The following HTR5A variants were observed in gnomAD, a reference collection of about 807,000 sequenced individuals.
The protein encoded by HTR5A is 5-hydroxytryptamine receptor 5A, also known as 5-HT-5.
A neutral mutation model predicts 24.3 loss-of-function variants in HTR5A; 21 were observed. That is an observed-to-expected ratio of 0.86 (90% confidence interval 0.61 to 1.24). HTR5A has a LOEUF of 1.24. Among genes scored for constraint, HTR5A ranks in the 50% most tolerant of loss-of-function variants. HTR5A has a pLI of 0.00. For synonymous variants in HTR5A, 260 were observed against 213.7 expected, an observed-to-expected ratio of 1.22 and a Z score of -1.89; for missense variants, 497 against 489.5, an observed-to-expected ratio of 1.02 and a Z score of -0.15.
At chr7:155,073,323 G>GAAAAAAAAAAAA (rs66715434) in intron 1 of HTR5A, among the ~76,000 whole-genome samples, 11 of 109,058 alleles carry the variant, frequency 1.0e-4, no homozygotes, top group Admixed American at 1.2e-4. Flanking sequence ...TCTGTCTCAA[G>GAAAAAAAAAAAA]AAAAAAAAAA....
rs113434752 is a variant in HTR5A, at chr7:155,076,582, G to A, written c.741+4942G>A. Among the ~76,000 whole-genome samples, 873 of 152,238 alleles carry A rather than the reference G, an allele frequency of 5.7e-3. 7 individuals carry two copies. Among genetic ancestry groups the A allele is most frequent in the African/African-American group, 0.02 (833 of 41,542 alleles). On this transcript the variant is annotated intron_variant, in intron 1 of 1. Transcript: ENST00000287907. Reference sequence around the variant, plus strand: ...AATATTTCATTGGAATTTGGTACTAGAGGATCCAAGTTCTGTCTGGAGCCA... The same window carrying A: ...AATATTTCATTGGAATTTGGTACTAAAGGATCCAAGTTCTGTCTGGAGCCA...
Position 155,070,910 on chromosome 7 carries a change from C to T in HTR5A, c.11C>T (p.Pro4Leu), listed in dbSNP as rs749047238. The T allele has an allele frequency of 1.9e-6, 3 of 1,601,324 alleles. No homozygotes were observed. The highest frequency in any genetic ancestry group is 2.5e-6 in the Non-Finnish European group (3 of 1,178,726). The stretch of plus-strand genomic sequence containing the variant: ...TCTCCTGACCCAGAGATGGATTTAC[C>T]TGTGAACCTAACCTCCTTTTCCCTC... MDLPVNLTSFSLST... is the reference protein window; with the variant it reads MDLLVNLTSFSLST... The change falls in exon 1 of 2, where the codon CCT (proline) becomes CTT (leucine). Residue 4 changes from proline to leucine, a missense_variant. Physicochemically the swap from Pro to Leu is moderately conservative, Grantham distance 98. Coordinates refer to ENST00000287907, the MANE Select transcript of HTR5A (RefSeq NM_024012.4).
At chr7:155,077,471 T>TG (rs1160842477) in intron 1 of HTR5A, among the ~76,000 whole-genome samples, 21 of 149,846 alleles carry the variant, frequency 1.4e-4, no homozygotes, top group African/African-American at 4.4e-4. Context: ...TTTTTGTTTT[T>TG]TTTTTTTTTT....
At chr7:155,073,875 A>ATG (rs1491405040) in intron 1 of HTR5A, among the ~76,000 whole-genome samples, 2,854 of 12,806 alleles carry the variant, frequency 0.22, 154 homozygotes, top group Middle Eastern at 0.33. Flanking sequence ...GTATATATAT[A>ATG]TGTATATATA....
intron 1 of HTR5A, among the ~76,000 whole-genome samples, chr7:155,080,564 G>A (rs1016305058): frequency 2.0e-5 from 3 of 152,192 alleles, no homozygotes; most frequent in African/African-American, 7.2e-5. Flanking sequence ...GTCCAGGGGC[G>A]ATGCCACTAC....
At position 155,071,043 on chromosome 7, in the gene HTR5A, C is replaced by A. The variant is rs138675565; in HGVS notation, c.144C>A (p.Gly48=). The part of the protein sequence containing the change: ...VFGVLILTLL[G]FLVAATFAWN... Reference sequence around the variant, plus strand: ...GAGTGCTTATTCTCACCTTGCTGGGCTTTCTGGTGGCGGCGACGTTCGCCT... The same window carrying A: ...GAGTGCTTATTCTCACCTTGCTGGGATTTCTGGTGGCGGCGACGTTCGCCT... The change falls in exon 1 of 2, where the codon GGC becomes GGA. Residue 48 remains glycine, a synonymous_variant. Transcript: ENST00000287907. 17 of 1,610,844 alleles carry A rather than the reference C, an allele frequency of 1.1e-5. No homozygotes were observed. The highest frequency in any genetic ancestry group is 1.4e-5 in the Non-Finnish European group (16 of 1,180,036).
Position 155,085,145 on chromosome 7 carries a change from T to G in HTR5A, c.*658T>G, listed in dbSNP as rs576304660. 1 of 152,364 alleles carries G rather than the reference T, an allele frequency of 6.6e-6. No homozygotes were observed. The highest frequency in any genetic ancestry group is 1.9e-4 in the East Asian group (1 of 5,186). The allele number at this position is 152,364 out of a possible 1,614,324, so 9.4% of individuals were successfully genotyped here. On this transcript the variant is annotated 3_prime_UTR_variant, in exon 2 of 2. Coordinates refer to ENST00000287907, the MANE Select transcript of HTR5A (RefSeq NM_024012.4). ...CACACAACTATGAAAGAGGCAGGTG[T>G]TCTAGCTAGCTAGTTTACTCCAAAA...
Position 155,084,706 on chromosome 7 carries a change from A to G in HTR5A, c.*219A>G. ...ACATGATGTATCTAACTTATCTACT[A>G]TCCCTTTCTCTGTGCTGACAGTCAT... On this transcript the variant is annotated 3_prime_UTR_variant, in exon 2 of 2. Coordinates refer to ENST00000287907, the MANE Select transcript of HTR5A (RefSeq NM_024012.4). 1 of 533,510 alleles carries G rather than the reference A, an allele frequency of 1.9e-6. No homozygotes were observed. Among genetic ancestry groups the G allele is most frequent in the Non-Finnish European group, 3.3e-6 (1 of 303,692 alleles). The allele number at this position is 533,510 out of a possible 1,614,324, so 33.0% of individuals were successfully genotyped here. A position where few individuals can be genotyped will look rare whatever the true frequency, so the allele number is the denominator to read the frequency against.
In HTR5A at chr7:155,085,946, C is replaced by T. The variant is rs536334793; in HGVS notation, c.*1459C>T. Among the ~76,000 whole-genome samples, 2 of 152,198 alleles carry T rather than the reference C, an allele frequency of 1.3e-5. No homozygotes were observed. The highest frequency in any genetic ancestry group is 2.9e-5 in the Non-Finnish European group (2 of 67,998). Reference sequence around the variant, plus strand: ...CACCTGTGAAGTCACAATTAATATGCTAAATGCAGATCTTTATGCATTCAA... The same window carrying T: ...CACCTGTGAAGTCACAATTAATATGTTAAATGCAGATCTTTATGCATTCAA... On this transcript the variant is annotated 3_prime_UTR_variant, in exon 2 of 2. Transcript: ENST00000287907.
intron 1 of HTR5A, among the ~76,000 whole-genome samples, chr7:155,079,661 A>T (rs1174245200): frequency 3.3e-5 from 5 of 152,230 alleles, no homozygotes. Context: ...AAGACTTAGG[A>T]TCATAATGCA....
chr7:155,072,689 G>A (rs182582988), intron 1 of HTR5A, among the ~76,000 whole-genome samples: 1 of 152,304 alleles, frequency 6.6e-6, no homozygotes, highest in Admixed American at 6.5e-5. Flanking sequence ...GGAAGCATAT[G>A]GAGTGCATAC....
intron 1 of HTR5A, among the ~76,000 whole-genome samples, chr7:155,073,877 GTATATATATATGTATATATATA>G (rs1226960375): frequency 2.5e-4 from 2 of 8,008 alleles, no homozygotes; most frequent in African/African-American, 3.1e-4. Flanking sequence ...ATATATATAT[GTATATATATATGTATATATATA>G]TATATATATA....
chr7:155,071,298 G>T lies in HTR5A; in HGVS notation c.399G>T (p.Thr133=), dbSNP rs774038878. The change falls in exon 1 of 2, where the codon ACG becomes ACT. Residue 133 remains threonine (T), a synonymous_variant. Transcript: ENST00000287907. ...GCACGGCCAGCATCTGGAACGTGAC[G>T]GCCATAGCCCTGGACCGCTACTGGT... is the stretch of plus-strand genomic sequence containing the variant. ...LCCTASIWNV[T]AIALDRYWSI... The T allele has an allele frequency of 6.2e-7, 1 of 1,610,136 alleles. No homozygotes were observed. The highest frequency in any genetic ancestry group is 2.2e-5 in the East Asian group (1 of 44,876).
rs745395980 is a variant in HTR5A at position 155,084,492 on chromosome 7, G to GAGGACC, written c.*10_*15dup. 1 of 1,600,146 alleles carries GAGGACC rather than the reference G, an allele frequency of 6.2e-7. No homozygotes were observed. Among genetic ancestry groups the GAGGACC allele is most frequent in the Non-Finnish European group, 8.5e-7 (1 of 1,172,050 alleles). ...TTCTTTTCTAGGCAACACTGAGGGA[G>GAGGACC]AGGACCAGGATTGAAAAAAGTTTCT... On this transcript the variant is annotated 3_prime_UTR_variant, in exon 2 of 2. Coordinates refer to ENST00000287907, the MANE Select transcript of HTR5A (RefSeq NM_024012.4).
At chr7:155,074,844 A>G (rs1019305455) in intron 1 of HTR5A, 2 of 152,220 alleles carry the variant, frequency 1.3e-5, no homozygotes, top group African/African-American at 2.4e-5. Flanking sequence ...CTATACATGT[A>G]GACAAACAAC....
At chr7:155,081,023 C>A (rs1795411042) in intron 1 of HTR5A, among the ~76,000 whole-genome samples, 1 of 152,174 alleles carries the variant, frequency 6.6e-6, no homozygotes. Flanking sequence ...GAGGTTTAAA[C>A]AAGAAAAACG....
At position 155,086,427 on chromosome 7, in the gene HTR5A, G is replaced by A. The variant is rs1229486901; in HGVS notation, c.*1940G>A. 6.6e-6 allele frequency among the ~76,000 whole-genome samples: 1 copy of A among 152,184 alleles called. No homozygotes were observed. The highest frequency in any genetic ancestry group is 1.5e-5 in the Non-Finnish European group (1 of 68,030). On this transcript the variant is annotated 3_prime_UTR_variant, in exon 2 of 2. Coordinates refer to ENST00000287907, the MANE Select transcript of HTR5A (RefSeq NM_024012.4). ...TGAGGAAGATGTGCCACATTTTTCTGGTGGCTTCAAACACTCCCCAACTCT... is the reference window on the plus strand; with the variant it reads ...TGAGGAAGATGTGCCACATTTTTCTAGTGGCTTCAAACACTCCCCAACTCT...
In HTR5A at chr7:155,085,802, A is replaced by G. The variant is rs1415291641; in HGVS notation, c.*1315A>G. The G allele has an allele frequency of 6.6e-6, 1 of 152,234 alleles. No individual in the cohort carries two copies. The highest frequency in any genetic ancestry group is 1.5e-5 in the Non-Finnish European group (1 of 68,044). The allele number at this position is 152,234 out of a possible 1,614,324, so 9.4% of individuals were successfully genotyped here. A position where few individuals can be genotyped will look rare whatever the true frequency, so the allele number is the denominator to read the frequency against. On this transcript the variant is annotated 3_prime_UTR_variant, in exon 2 of 2. Transcript: ENST00000287907. ...TATATAATAAATTATATCAATTAAG[A>G]GTTCAAACATAGGAAATTTGTGATA...
intron 1 of HTR5A, among the ~76,000 whole-genome samples, chr7:155,083,829 C>T (rs1795445074): frequency 6.6e-6 from 1 of 152,160 alleles, no homozygotes. Flanking sequence ...AAGTGTGCAC[C>T]TCTGCCACTA....
Sources: allele counts gnomAD v4.1 joint callset (sites outside exome capture counted in the v4.1 genomes callset), GRCh38; gene constraint gnomAD v4.1.1; transcripts MANE v1.5; gene names NCBI Gene and HGNC (gene_info 2026-07-23, HGNC 2026-07-21).